The following NBEA variants were observed in gnomAD, a reference collection of about 807,000 sequenced individuals.
NBEA encodes the protein neurobeachin, also known as lysosomal-trafficking regulator 2.
NBEA carries 44 observed loss-of-function variants against 343.4 expected under a neutral mutation model. That is an observed-to-expected ratio of 0.13 (90% CI 0.10 to 0.16). NBEA has a LOEUF of 0.16. Among genes scored for constraint, NBEA ranks in the 10% least tolerant of loss-of-function variants. The pLI is 1.00. For synonymous variants in NBEA, 1,175 were observed against 1,238.7 expected, an observed-to-expected ratio of 0.95 and a Z score of 1.08; for missense variants, 2,555 against 3,631.3, an observed-to-expected ratio of 0.70 and a Z score of 7.62.
In NBEA at chr13:35,658,848, A is replaced by G. The variant is rs79996682; in HGVS notation, c.8362+3099A>G. On this transcript the variant is annotated intron_variant, in intron 55 of 58. Transcript: ENST00000379939. ...AAAAAGCTAACCTAGTAGCATATAT[A>G]TGCCTGACTAGGGCAACCATCTGTG... is the stretch of plus-strand genomic sequence containing the variant. 8.0e-3 allele frequency among the ~76,000 whole-genome samples: 1,222 copies of G among 152,250 alleles called. 18 individuals are homozygous for G. The highest frequency in any genetic ancestry group is 0.028 in the African/African-American group (1,148 of 41,546).
chr13:35,107,981 T>A (rs1370725515), intron 11 of NBEA, among the ~76,000 whole-genome samples: 1 of 152,130 alleles, frequency 6.6e-6, no homozygotes, highest in Non-Finnish European at 1.5e-5. Context: ...ATCATTTTAG[T>A]TCGTGACCGT....
At chr13:35,197,106 A>T (rs929784661) in intron 31 of NBEA, among the ~76,000 whole-genome samples, 7 of 152,172 alleles carry the variant, frequency 4.6e-5, no homozygotes, top group African/African-American at 1.7e-4. Context: ...CATGTGCAAG[A>T]TTAGAAGAAT....
chr13:35,289,650 C>T (rs1419417808), intron 34 of NBEA, among the ~76,000 whole-genome samples: 1 of 151,858 alleles, frequency 6.6e-6, no homozygotes, highest in East Asian at 1.9e-4. Context: ...AATAATAATA[C>T]TATGTCACAG....
intron 34 of NBEA, among the ~76,000 whole-genome samples, chr13:35,265,057 A>G (rs1039926452): frequency 3.3e-5 from 5 of 151,990 alleles, no homozygotes; most frequent in African/African-American, 1.2e-4. Context: ...GCAAATCAAT[A>G]TACAAAAAAT....
intron 53 of NBEA, among the ~76,000 whole-genome samples, chr13:35,653,786 G>A (rs151130959): frequency 8.0e-4 from 122 of 152,258 alleles, no homozygotes; most frequent in Non-Finnish European, 1.4e-3. Flanking sequence ...TATTAGTCTA[G>A]TCTAGCTATT....
At chr13:35,567,143 G>A (rs1415308034) in intron 45 of NBEA, 126 bp downstream of exon 45, 4 of 511,776 alleles carry the variant, frequency 7.8e-6, no homozygotes, top group Non-Finnish European at 1.4e-5. Flanking sequence ...GACTTACATA[G>A]TCAGTTTCTA....
At chr13:35,153,741 C>T (rs1436252737) in intron 18 of NBEA, among the ~76,000 whole-genome samples, 3 of 152,100 alleles carry the variant, frequency 2.0e-5, no homozygotes, top group Non-Finnish European at 4.4e-5. Flanking sequence ...AATGTGATTT[C>T]TTCTCTTTTG....
intron 31 of NBEA, among the ~76,000 whole-genome samples, chr13:35,207,948 C>T (rs1007355076): frequency 2.0e-5 from 3 of 152,078 alleles, no homozygotes; most frequent in Admixed American, 2.0e-4. Flanking sequence ...AGTCTGGGCA[C>T]GGTGGCTCAC....
chr13:35,603,608 T>C (rs1275356147), intron 47 of NBEA, among the ~76,000 whole-genome samples: 1 of 152,224 alleles, frequency 6.6e-6, no homozygotes, highest in Non-Finnish European at 1.5e-5. Flanking sequence ...TAAATAAAAC[T>C]AAATATATTT....
intron 41 of NBEA, among the ~76,000 whole-genome samples, chr13:35,532,854 A>C (rs984123874): frequency 1.2e-4 from 18 of 152,120 alleles, no homozygotes; most frequent in African/African-American, 4.3e-4. Flanking sequence ...TCTCAGAAGA[A>C]TAGAACCTAA....
At chr13:35,313,699 G>A (rs1199798670) in intron 36 of NBEA, among the ~76,000 whole-genome samples, 2 of 152,068 alleles carry the variant, frequency 1.3e-5, no homozygotes, top group Non-Finnish European at 2.9e-5. Context: ...GTAATTGCAA[G>A]TTTAATAAAT....
intron 40 of NBEA, among the ~76,000 whole-genome samples, chr13:35,453,625 C>G (rs2046412182): frequency 6.6e-6 from 1 of 152,122 alleles, no homozygotes; most frequent in African/African-American, 2.4e-5. Context: ...TGTTGTCTTT[C>G]CTATTCATAT....
rs1274905420 is a variant in NBEA at position 34,992,194 on chromosome 13, A to G, written c.295-48739A>G. The stretch of plus-strand genomic sequence containing the variant: ...AATGTGTGTGTATATGTGTGTGTAT[A>G]TATATGTGTGTGTGTGTGTGTGTGT... On this transcript the variant is annotated intron_variant, in intron 1 of 58. Transcript: ENST00000379939. Among the ~76,000 whole-genome samples, 5 of 141,650 alleles carry G rather than the reference A, an allele frequency of 3.5e-5. No individual in the cohort carries two copies. The Admixed American group carries it at 3.6e-4, about 10-fold the overall frequency. 92.9% of individuals were successfully genotyped at this position (141,650 alleles called of 152,430 possible).
chr13:35,178,879 A>G (rs182196073), intron 28 of NBEA, among the ~76,000 whole-genome samples: 13 of 151,594 alleles, frequency 8.6e-5, no homozygotes, highest in Non-Finnish European at 1.5e-4. Context: ...ATCCTGAAAA[A>G]ATGTGTTGTG....
In NBEA at chr13:34,985,406, A is replaced by G. The variant is rs1391560894; in HGVS notation, c.294+42292A>G. Among the ~76,000 whole-genome samples the G allele has an allele frequency of 2.0e-5, 3 of 151,016 alleles. 1 individual carries two copies. The highest frequency in any genetic ancestry group is 4.4e-5 in the Non-Finnish European group (3 of 67,492). ...GATGAAGCCGACTTGATTGTGCTGAATAAGCTTTTTCATGTGTTGCTGGAT... is the reference window on the plus strand; with the variant it reads ...GATGAAGCCGACTTGATTGTGCTGAGTAAGCTTTTTCATGTGTTGCTGGAT... On this transcript the variant is annotated intron_variant, in intron 1 of 58. Coordinates refer to ENST00000379939, the MANE Select transcript of NBEA (RefSeq NM_001385012.1).
chr13:35,086,270 A>G (rs2064755679), intron 10 of NBEA, among the ~76,000 whole-genome samples: 2 of 152,114 alleles, frequency 1.3e-5, no homozygotes, highest in Non-Finnish European at 2.9e-5. Flanking sequence ...CCGCATTGCC[A>G]AGTCAATCCT....
chr13:35,116,785 ATT>A (rs1160050651), intron 13 of NBEA, among the ~76,000 whole-genome samples: 2 of 151,902 alleles, frequency 1.3e-5, no homozygotes, highest in African/African-American at 4.8e-5. Flanking sequence ...TTATATTTTC[ATT>A]TTTATTAGTA....
chr13:35,110,052 A>ATGTTTTTTTTTTTTTTTTTTTTTT (rs1566299499), intron 12 of NBEA, among the ~76,000 whole-genome samples: 2 of 89,236 alleles, frequency 2.2e-5, no homozygotes, highest in African/African-American at 4.1e-5. Context: ...TTTTTTTTTT[A>ATGTTTTTTTTTTTTTTTTTTTTTT]AATGTTTTTT....
chr13:35,619,501 C>G (rs1162109939), intron 48 of NBEA, among the ~76,000 whole-genome samples: 3 of 152,136 alleles, frequency 2.0e-5, no homozygotes, highest in Non-Finnish European at 4.4e-5. Context: ...TAACACTCCC[C>G]CACCCAACCA....
Sources: gnomAD v4.1 joint callset for allele counts (sites outside exome capture counted in the v4.1 genomes callset) on GRCh38, gnomAD v4.1.1 for gene constraint, MANE v1.5 for transcripts, NCBI Gene and HGNC (gene_info 2026-07-23, HGNC 2026-07-21) for gene names.